Variants in PRELID2 observed in about 807,000 individuals in gnomAD.
PRELID2 encodes PRELI domain containing 2.
In PRELID2, 25 loss-of-function variants were observed where a neutral mutation model predicts 28.4. That is an observed-to-expected ratio of 0.88 (90% CI 0.64 to 1.23). The LOEUF is 1.23. Among genes scored for constraint, PRELID2 ranks in the 50% most tolerant of loss-of-function variants. PRELID2 has a pLI of 0.00. For synonymous variants in PRELID2, 76 were observed against 71.6 expected (o/e 1.06, Z -0.31); for missense variants, 201 against 214.4 (o/e 0.94, Z 0.39).
intron 1 of PRELID2, among the ~76,000 whole-genome samples, chr5:145,714,827 C>T (rs1350711542): frequency 2.0e-5 from 3 of 152,096 alleles, no homozygotes; most frequent in Non-Finnish European, 4.4e-5. Flanking sequence ...TGTGCCATCC[C>T]TCTTTCCTGC....
chr5:145,536,887 T>C (rs1197455985), intron 1 of PRELID2, among the ~76,000 whole-genome samples: 1 of 151,790 alleles, frequency 6.6e-6, no homozygotes, highest in Non-Finnish European at 1.5e-5. Context: ...CCTGAGCACA[T>C]TCACAGGAAG....
intron 1 of PRELID2, among the ~76,000 whole-genome samples, chr5:145,514,864 G>A (rs1006383384): frequency 3.3e-5 from 5 of 152,082 alleles, no homozygotes; most frequent in Non-Finnish European, 5.9e-5. Context: ...ACTCAAAACC[G>A]CACAACTACA....
chr5:145,503,398 T>C (rs562021454), intron 1 of PRELID2, among the ~76,000 whole-genome samples: 68 of 152,050 alleles, frequency 4.5e-4, no homozygotes, highest in Non-Finnish European at 9.1e-4. Context: ...GAAAAACAAA[T>C]ATTTGGACCA....
chr5:145,749,056 T>C (rs551275299), intron 1 of PRELID2, among the ~76,000 whole-genome samples: 4 of 152,228 alleles, frequency 2.6e-5, no homozygotes, highest in African/African-American at 7.2e-5. Context: ...ATTCAGGACA[T>C]AGGCGTGGGC....
At chr5:145,591,287 CTG>C (rs1195616602) in intron 1 of PRELID2, among the ~76,000 whole-genome samples, 2 of 147,464 alleles carry the variant, frequency 1.4e-5, no homozygotes, top group East Asian at 3.9e-4. Context: ...TAGAGCGAGA[CTG>C]TGTCTCAAAA....
intron 1 of PRELID2, among the ~76,000 whole-genome samples, chr5:145,583,607 A>T (rs746831539): frequency 2.6e-5 from 4 of 152,182 alleles, no homozygotes; most frequent in Non-Finnish European, 5.9e-5. Context: ...AGGATACAAA[A>T]TGAATGTGCA....
intron 1 of PRELID2, among the ~76,000 whole-genome samples, chr5:145,736,312 A>T (rs1756494765): frequency 6.6e-6 from 1 of 152,134 alleles, no homozygotes; most frequent in Non-Finnish European, 1.5e-5. Context: ...TGCATTTGTC[A>T]GCCTGTCTTA....
the PRELID2 span, among the ~76,000 whole-genome samples, chr5:145,311,389 C>G: frequency 1.3e-5 from 2 of 152,144 alleles, no homozygotes; most frequent in Non-Finnish European, 2.9e-5. Context: ...CTGTCACCAT[C>G]TTGAAGTTGT....
intron 1 of PRELID2, among the ~76,000 whole-genome samples, chr5:145,672,980 C>G (rs1473014252): frequency 6.6e-6 from 1 of 152,092 alleles, no homozygotes; most frequent in African/African-American, 2.4e-5. Context: ...TAGTTCAGGA[C>G]AACCAAGCAC....
chr5:145,409,677 G>T, the PRELID2 span, among the ~76,000 whole-genome samples: 1 of 151,498 alleles, frequency 6.6e-6, no homozygotes, highest in East Asian at 1.9e-4. Context: ...AGTTTGGAAG[G>T]GCAAGGCGGG....
At chr5:145,800,273 C>T (rs1281572240) in intron 4 of PRELID2, among the ~76,000 whole-genome samples, 1 of 149,422 alleles carries the variant, frequency 6.7e-6, no homozygotes, top group Non-Finnish European at 1.5e-5. Flanking sequence ...CTCTCTCCCT[C>T]TCCCCCTTCC....
At chr5:145,659,955 AAAT>A (rs1455813817) in intron 1 of PRELID2, among the ~76,000 whole-genome samples, 1 of 152,164 alleles carries the variant, frequency 6.6e-6, no homozygotes, top group African/African-American at 2.4e-5. Flanking sequence ...CTACAATGCA[AAAT>A]AATAATCATC....
chr5:145,572,743 G>A (rs1304459178), intron 1 of PRELID2, among the ~76,000 whole-genome samples: 1 of 152,116 alleles, frequency 6.6e-6, no homozygotes, highest in Admixed American at 6.5e-5. Flanking sequence ...CCTTTATAAG[G>A]TGTATACACA....
the PRELID2 span, among the ~76,000 whole-genome samples, chr5:145,336,872 A>G: frequency 6.7e-6 from 1 of 149,984 alleles, no homozygotes; most frequent in Non-Finnish European, 1.5e-5. Flanking sequence ...ACAAAAAACC[A>G]AACACCGCAT....
intron 1 of PRELID2, among the ~76,000 whole-genome samples, chr5:145,502,868 G>A (rs974942255): frequency 6.7e-6 from 1 of 149,288 alleles, no homozygotes; most frequent in African/African-American, 2.5e-5. Context: ...TGCCGTGTCT[G>A]TATAGATATC....
chr5:145,772,411 A>C (rs1758164900), intron 5 of PRELID2, among the ~76,000 whole-genome samples: 1 of 152,202 alleles, frequency 6.6e-6, no homozygotes. Context: ...CTGCTGTAAC[A>C]GAATACTATA....
chr5:145,352,911 C>T, the PRELID2 span, among the ~76,000 whole-genome samples: 49 of 152,308 alleles, frequency 3.2e-4, no homozygotes, highest in African/African-American at 1.1e-3. Context: ...TCATCTCCAT[C>T]TGAGATCACC....
intron 1 of PRELID2, among the ~76,000 whole-genome samples, chr5:145,530,017 G>C (rs1752641385): frequency 6.6e-6 from 1 of 152,102 alleles, no homozygotes; most frequent in African/African-American, 2.4e-5. Flanking sequence ...ATTTGCACTA[G>C]AATATTGCTT....
intron 5 of PRELID2, among the ~76,000 whole-genome samples, chr5:145,783,182 G>C (rs1267607363): frequency 6.6e-6 from 1 of 152,206 alleles, no homozygotes; most frequent in African/African-American, 2.4e-5. Flanking sequence ...CAACGTCCCA[G>C]AATTTCAGCT....
Sources: gnomAD v4.1 joint callset for allele counts (sites outside exome capture counted in the v4.1 genomes callset) on GRCh38, gnomAD v4.1.1 for gene constraint, MANE v1.5 for transcripts, NCBI Gene and HGNC (gene_info 2026-07-23, HGNC 2026-07-21) for gene names.